MTUS2: variants seen among roughly 807,000 people sequenced by gnomAD.
The protein encoded by MTUS2 is microtubule-associated tumor suppressor candidate 2.
A neutral mutation model predicts 114.1 loss-of-function variants in MTUS2; 40 were observed. The observed-to-expected ratio is 0.35, with a 90% CI of 0.27 to 0.46. The LOEUF (loss-of-function observed/expected upper bound fraction) is 0.46, where lower values mean the gene tolerates loss of function less well. Among genes scored for constraint, MTUS2 ranks in the 20% least tolerant of loss-of-function variants. The probability of loss-of-function intolerance (pLI) is 1.00; values close to 1 mark genes in which losing one functional copy is unlikely to be tolerated. For missense variants in MTUS2, 1,679 were observed against 1,705.4 expected (o/e 0.98, Z 0.27); for synonymous variants, 688 against 672.0 (o/e 1.02, Z -0.37).
chr13:29,059,954 C>G (rs934734925), intron 4 of MTUS2, among the ~76,000 whole-genome samples: 1 of 152,228 alleles, frequency 6.6e-6, no homozygotes, highest in Non-Finnish European at 1.5e-5. Context: ...CACTCCTGGG[C>G]CAGAAGCTCT....
intron 4 of MTUS2, among the ~76,000 whole-genome samples, chr13:29,041,060 T>C (rs1204204318): frequency 3.9e-5 from 6 of 152,302 alleles, no homozygotes. Context: ...GTTTTTCCGA[T>C]GTTATCTTCT....
intron 5 of MTUS2, among the ~76,000 whole-genome samples, chr13:29,153,495 G>A (rs1423976505): frequency 6.6e-6 from 1 of 152,096 alleles, no homozygotes; most frequent in Admixed American, 6.5e-5. Context: ...TGCTTTAAGC[G>A]AGGAGGGGGC....
At chr13:29,196,703 A>G (rs1291003593) in intron 5 of MTUS2, among the ~76,000 whole-genome samples, 2 of 152,092 alleles carry the variant, frequency 1.3e-5, no homozygotes, top group Admixed American at 1.3e-4. Context: ...AACATACAGT[A>G]TTTGTTTGTT....
intron 9 of MTUS2, among the ~76,000 whole-genome samples, chr13:29,472,989 C>G (rs992109154): frequency 6.6e-6 from 1 of 152,134 alleles, no homozygotes; most frequent in Non-Finnish European, 1.5e-5. Flanking sequence ...TTTTCAATTA[C>G]TCCCAATCTC....
rs1014927132 is a variant in MTUS2, at chr13:29,383,588, C to T, written c.3117+24115C>T. Among the ~76,000 whole-genome samples, 21 of 150,380 alleles carry T rather than the reference C, an allele frequency of 1.4e-4. No homozygotes were observed. In the South Asian group the frequency reaches 2.8e-3, roughly 20 times the overall value. ...GTGTGTCTGTGTAGGGAAGATTTCTCATCCTGGGGCTTTCAGCTTTGCATT... is the reference window on the plus strand; with the variant it reads ...GTGTGTCTGTGTAGGGAAGATTTCTTATCCTGGGGCTTTCAGCTTTGCATT... On this transcript the variant is annotated intron_variant, in intron 8 of 15. Coordinates refer to ENST00000612955, the MANE Select transcript of MTUS2 (RefSeq NM_001033602.4).
chr13:28,833,130 T>C (rs558757524), intron 1 of MTUS2, among the ~76,000 whole-genome samples: 53 of 152,290 alleles, frequency 3.5e-4, no homozygotes, highest in African/African-American at 1.3e-3. Context: ...CGGTAAATTC[T>C]ACCAAATGTT....
intron 2 of MTUS2, among the ~76,000 whole-genome samples, chr13:28,946,435 C>T (rs1882538506): frequency 6.6e-6 from 1 of 152,074 alleles, no homozygotes; most frequent in Non-Finnish European, 1.5e-5. Flanking sequence ...TGTAATTTTT[C>T]GGTAGATCCT....
intron 8 of MTUS2, among the ~76,000 whole-genome samples, chr13:29,399,296 A>C (rs1049473652): frequency 6.6e-6 from 1 of 151,742 alleles, no homozygotes. Context: ...CTTTACTGCA[A>C]CCTGTTTTAT....
intron 2 of MTUS2, among the ~76,000 whole-genome samples, chr13:28,915,562 CT>C (rs140012694): frequency 0.018 from 2,744 of 151,928 alleles, 84 homozygotes; most frequent in African/African-American, 0.063. Flanking sequence ...TGCTGAGCAC[CT>C]TTTCACAAGC....
intron 1 of MTUS2, among the ~76,000 whole-genome samples, chr13:28,833,381 C>T (rs1874840011): frequency 6.6e-6 from 1 of 152,114 alleles, no homozygotes; most frequent in Admixed American, 6.5e-5. Context: ...TGGGATTTAT[C>T]TGAGGAAGGC....
chr13:29,003,992 GGAAA>G (rs997934524), intron 2 of MTUS2, among the ~76,000 whole-genome samples: 2 of 152,120 alleles, frequency 1.3e-5, no homozygotes, highest in Admixed American at 1.3e-4. Context: ...CTTTCCCAGG[GGAAA>G]GAAAGGGTGA....
At chr13:29,398,568 C>T (rs1273812565) in intron 8 of MTUS2, among the ~76,000 whole-genome samples, 2 of 150,492 alleles carry the variant, frequency 1.3e-5, no homozygotes, top group East Asian at 3.9e-4. Flanking sequence ...GTCTCTCATT[C>T]TACTATTTAC....
chr13:29,490,906 G>C (rs889549024), intron 11 of MTUS2, among the ~76,000 whole-genome samples: 1 of 152,200 alleles, frequency 6.6e-6, no homozygotes. Flanking sequence ...CATGAGAACA[G>C]TTTAGAGAAT....
In MTUS2 at chr13:29,075,067, G is replaced by A. The variant is rs1360370209; in HGVS notation, c.2447-25706G>A. ...ATCTACTTTCTGTCTCTATACATTT[G>A]CCTATTCTAGACATCTTATATGATG... On this transcript the variant is annotated intron_variant, in intron 4 of 15. Coordinates refer to ENST00000612955, the MANE Select transcript of MTUS2 (RefSeq NM_001033602.4). 2.6e-5 allele frequency among the ~76,000 whole-genome samples: 4 copies of A among 152,128 alleles called. No homozygotes were observed. The South Asian group carries it at 8.3e-4, about 32-fold the overall frequency.
intron 9 of MTUS2, among the ~76,000 whole-genome samples, chr13:29,441,651 C>T (rs1024857676): frequency 1.3e-5 from 2 of 152,178 alleles, no homozygotes; most frequent in African/African-American, 4.8e-5. Flanking sequence ...GGTACACTCA[C>T]TGGTGACCCT....
At chr13:29,083,482 T>C (rs981775496) in intron 4 of MTUS2, among the ~76,000 whole-genome samples, 3 of 152,178 alleles carry the variant, frequency 2.0e-5, no homozygotes, top group Admixed American at 1.3e-4. Context: ...TAAGAAGCTG[T>C]TGAAGTGGGA....
intron 2 of MTUS2, among the ~76,000 whole-genome samples, chr13:28,864,130 C>G (rs540465878): frequency 6.6e-6 from 1 of 152,250 alleles, no homozygotes; most frequent in East Asian, 1.9e-4. Context: ...TACCCCTTTG[C>G]CTACTTGAAA....
intron 4 of MTUS2, among the ~76,000 whole-genome samples, chr13:29,066,001 C>A: frequency 6.6e-6 from 1 of 152,092 alleles, no homozygotes; most frequent in Non-Finnish European, 1.5e-5. Context: ...TCTGTCTTCT[C>A]ACTACGCATA....
intron 2 of MTUS2, among the ~76,000 whole-genome samples, chr13:28,885,866 A>T (rs545504953): frequency 6.6e-6 from 1 of 152,218 alleles, no homozygotes; most frequent in Non-Finnish European, 1.5e-5. Context: ...TAAGATAGTG[A>T]TAAGGTCTAT....
Sources: allele counts gnomAD v4.1 joint callset (sites outside exome capture counted in the v4.1 genomes callset), GRCh38; gene constraint gnomAD v4.1.1; transcripts MANE v1.5; gene names NCBI Gene and HGNC (gene_info 2026-07-23, HGNC 2026-07-21).